Variants in KCNN3 observed in about 807,000 individuals in gnomAD.
KCNN3 encodes potassium calcium-activated channel subfamily N member 3, also known as small conductance calcium-activated potassium channel protein 3.
Under a neutral mutation model 62.9 loss-of-function variants are expected in KCNN3, and 16 were observed. The ratio of observed to expected loss-of-function variants is 0.25; its 90% CI spans 0.17 to 0.39. The LOEUF (loss-of-function observed/expected upper bound fraction) is 0.39. KCNN3 is among the 10% of genes least tolerant of loss of function. The probability of loss-of-function intolerance (pLI) is 1.00; values close to 1 mark genes in which losing one functional copy is unlikely to be tolerated. For synonymous variants in KCNN3, 370 were observed against 389.2 expected, an observed-to-expected ratio of 0.95 and a Z score of 0.58; for missense variants, 599 against 949.4, an observed-to-expected ratio of 0.63 and a Z score of 4.85.
At chr1:154,745,517 C>T (rs1046416502) in intron 3 of KCNN3, among the ~76,000 whole-genome samples, 4 of 152,194 alleles carry the variant, frequency 2.6e-5, no homozygotes, top group South Asian at 2.1e-4. Context: ...CAGGCCTCAG[C>T]GGGGAAGCTT....
intron 2 of KCNN3, among the ~76,000 whole-genome samples, chr1:154,799,390 G>C (rs1393700909): frequency 6.6e-6 from 1 of 152,220 alleles, no homozygotes; most frequent in Non-Finnish European, 1.5e-5. Context: ...CAAGATCACT[G>C]TCACTCATTG....
At chr1:154,714,364 T>G (rs1239477602) in intron 6 of KCNN3, among the ~76,000 whole-genome samples, 6 of 141,424 alleles carry the variant, frequency 4.2e-5, no homozygotes, top group Admixed American at 2.1e-4. Flanking sequence ...GGTGTGTGTA[T>G]GGTTTGTGTG....
chr1:154,815,829 G>A (rs1650640186), intron 2 of KCNN3, among the ~76,000 whole-genome samples: 1 of 152,200 alleles, frequency 6.6e-6, no homozygotes. Flanking sequence ...CACAGAGCAA[G>A]ACGCAACGTG....
chr1:154,793,611 A>G (rs572695719), intron 2 of KCNN3, among the ~76,000 whole-genome samples: 1 of 152,354 alleles, frequency 6.6e-6, no homozygotes, highest in South Asian at 2.1e-4. Context: ...CAACAAATCA[A>G]TATTAAATCT....
intron 7 of KCNN3, among the ~76,000 whole-genome samples, chr1:154,710,227 G>A (rs1473757926): frequency 6.6e-6 from 1 of 152,152 alleles, no homozygotes; most frequent in Non-Finnish European, 1.5e-5. Flanking sequence ...GGAGTGGGAA[G>A]GCGCTGACTT....
intron 2 of KCNN3, among the ~76,000 whole-genome samples, chr1:154,789,095 A>G (rs929825529): frequency 4.6e-5 from 7 of 152,322 alleles, no homozygotes; most frequent in African/African-American, 1.7e-4. Context: ...GGTTGTCCGC[A>G]GGGCTGGCTC....
rs894695856 is a variant in KCNN3 at position 154,702,595 on chromosome 1, T to C, written c.*5381A>G. On this transcript the variant is annotated 3_prime_UTR_variant, in exon 8 of 8. Transcript: ENST00000271915. Reference sequence around the variant, plus strand: ...GTATCTGATGAAGGTGGATCAGTCCTGGTTGAGATTCAAAAACTGAGACAA... The same window carrying C: ...GTATCTGATGAAGGTGGATCAGTCCCGGTTGAGATTCAAAAACTGAGACAA... The C allele has an allele frequency of 6.0e-5, 9 of 150,470 alleles. No homozygotes were observed. Among genetic ancestry groups the C allele is most frequent in the Non-Finnish European group, 1.3e-4 (9 of 67,716 alleles). 9.3% of individuals were successfully genotyped at this position (150,470 alleles called of 1,614,324 possible). A position where few individuals can be genotyped will look rare whatever the true frequency, so the allele number is the denominator to read the frequency against.
chr1:154,720,367 A>AT (rs1700321121), intron 5 of KCNN3, among the ~76,000 whole-genome samples: 1 of 152,214 alleles, frequency 6.6e-6, no homozygotes, highest in African/African-American at 2.4e-5. Flanking sequence ...TTCTGGGGAG[A>AT]ATTAGCATTC....
chr1:154,831,059 G>T (rs544644449), intron 1 of KCNN3, among the ~76,000 whole-genome samples: 225 of 152,276 alleles, frequency 1.5e-3, no homozygotes, highest in African/African-American at 5.3e-3. Context: ...GATTCCATGC[G>T]ATTCAATCAA....
At chr1:154,716,185 C>A (rs1021931891) in intron 5 of KCNN3, among the ~76,000 whole-genome samples, 4 of 152,220 alleles carry the variant, frequency 2.6e-5, no homozygotes, top group Non-Finnish European at 5.9e-5. Flanking sequence ...ATATCAATGG[C>A]ATCCAGATGG....
At chr1:154,718,676 T>C (rs1174008633) in intron 5 of KCNN3, among the ~76,000 whole-genome samples, 1 of 152,198 alleles carries the variant, frequency 6.6e-6, no homozygotes, top group Non-Finnish European at 1.5e-5. Context: ...CTTACAATCC[T>C]GCGGAGAAGA....
At chr1:154,745,107 T>C (rs1417133533) in intron 3 of KCNN3, among the ~76,000 whole-genome samples, 1 of 152,186 alleles carries the variant, frequency 6.6e-6, no homozygotes, top group Admixed American at 6.5e-5. Context: ...CTGTGTCCTA[T>C]TTTTCAAGAG....
chr1:154,754,978 C>T (rs538433794), intron 3 of KCNN3, among the ~76,000 whole-genome samples: 60 of 152,336 alleles, frequency 3.9e-4, no homozygotes, highest in Middle Eastern at 3.4e-3. Context: ...GTATATAAAA[C>T]TTGGCATGGT....
intron 7 of KCNN3, among the ~76,000 whole-genome samples, chr1:154,711,551 A>C (rs1700075807): frequency 6.6e-6 from 1 of 152,080 alleles, no homozygotes; most frequent in Non-Finnish European, 1.5e-5. Flanking sequence ...TCCCCAGGGA[A>C]CATCAGTCAC....
At chr1:154,796,708 T>A (rs1649748713) in intron 2 of KCNN3, among the ~76,000 whole-genome samples, 1 of 152,240 alleles carries the variant, frequency 6.6e-6, no homozygotes, top group South Asian at 2.1e-4. Context: ...CCTGCCGCTG[T>A]CAGCATGCCA....
rs1228622898 is a variant in KCNN3 at position 154,704,521 on chromosome 1, C to T, written c.*3455G>A. The T allele has an allele frequency of 6.6e-6, 1 of 152,076 alleles. No individual in the cohort carries two copies. The highest frequency in any genetic ancestry group is 1.5e-5 in the Non-Finnish European group (1 of 68,024). The allele number at this position is 152,076 out of a possible 1,614,324, so 9.4% of individuals were successfully genotyped here. ...TGAGATTAGTGGTCTTAAAGTATCA[C>T]AGTACATCCCTGACTTTACAGTACA... On this transcript the variant is annotated 3_prime_UTR_variant, in exon 8 of 8. Coordinates refer to ENST00000271915, the MANE Select transcript of KCNN3 (RefSeq NM_002249.6).
At chr1:154,859,459 C>T (rs1004692847) in intron 1 of KCNN3, among the ~76,000 whole-genome samples, 1 of 152,304 alleles carries the variant, frequency 6.6e-6, no homozygotes, top group Non-Finnish European at 1.5e-5. Context: ...TCAGTCTCCC[C>T]ACATCCATTA....
intron 2 of KCNN3, among the ~76,000 whole-genome samples, chr1:154,815,285 G>A (rs1357673567): frequency 1.3e-5 from 2 of 152,192 alleles, no homozygotes; most frequent in South Asian, 2.1e-4. Flanking sequence ...GGTTTGGGCA[G>A]CCTCCACCTC....
chr1:154,731,086 C>T (rs532011633), intron 4 of KCNN3, among the ~76,000 whole-genome samples: 6 of 152,280 alleles, frequency 3.9e-5, no homozygotes, highest in South Asian at 2.1e-4. Flanking sequence ...CAGAGGCTCC[C>T]GGCAGGGCCC....
Sources: gnomAD v4.1 joint callset for allele counts (sites outside exome capture counted in the v4.1 genomes callset) on GRCh38, gnomAD v4.1.1 for gene constraint, MANE v1.5 for transcripts, NCBI Gene and HGNC (gene_info 2026-07-23, HGNC 2026-07-21) for gene names.